Variants in SIK3 observed in about 807,000 individuals in gnomAD.
The protein encoded by SIK3 is serine/threonine-protein kinase SIK3.
A neutral mutation model predicts 144.2 loss-of-function variants in SIK3; 28 were observed. The observed-to-expected ratio is 0.19, with a 90% CI of 0.14 to 0.27. SIK3 has a LOEUF of 0.27. Among genes scored for constraint, SIK3 ranks in the 10% least tolerant of loss-of-function variants. The probability of loss-of-function intolerance (pLI) is 1.00; values close to 1 mark genes in which losing one functional copy is unlikely to be tolerated. For synonymous variants in SIK3, 686 were observed against 676.3 expected (o/e 1.01, Z -0.22); for missense variants, 1,319 against 1,776.0 (o/e 0.74, Z 4.62).
intron 1 of SIK3, among the ~76,000 whole-genome samples, chr11:117,029,018 C>T (rs534312211): frequency 6.6e-6 from 1 of 152,128 alleles, no homozygotes; most frequent in African/African-American, 2.4e-5. Flanking sequence ...AAGTGATTTT[C>T]CCGCCTCAGC....
At chr11:117,076,898 A>AT (rs1308755450) in intron 1 of SIK3, among the ~76,000 whole-genome samples, 1 of 152,184 alleles carries the variant, frequency 6.6e-6, no homozygotes, top group Non-Finnish European at 1.5e-5. Flanking sequence ...GCTCATGCCT[A>AT]TAATTCCAGT....
intron 6 of SIK3, among the ~76,000 whole-genome samples, chr11:116,880,155 A>C (rs1017473770): frequency 2.0e-5 from 3 of 152,290 alleles, no homozygotes; most frequent in South Asian, 2.1e-4. Context: ...AACAATAACA[A>C]CAACACCACC....
At chr11:116,943,494 G>C (rs1948423024) in intron 3 of SIK3, among the ~76,000 whole-genome samples, 1 of 152,110 alleles carries the variant, frequency 6.6e-6, no homozygotes, top group African/African-American at 2.4e-5. Context: ...ACCTCTTCAA[G>C]GTCTCCACTA....
intron 4 of SIK3, among the ~76,000 whole-genome samples, chr11:116,913,923 C>CA (rs971533450): frequency 3.3e-5 from 5 of 151,596 alleles, no homozygotes; most frequent in Non-Finnish European, 4.4e-5. Context: ...AAACCACAAA[C>CA]AAAAAAACAA....
chr11:117,010,756 GA>G (rs1262725605), intron 1 of SIK3, among the ~76,000 whole-genome samples: 2 of 151,898 alleles, frequency 1.3e-5, no homozygotes, highest in South Asian at 2.1e-4. Context: ...ATTTTTTAAA[GA>G]AAAAAATATA....
chr11:117,032,256 G>A (rs1952294196), intron 1 of SIK3, among the ~76,000 whole-genome samples: 3 of 152,130 alleles, frequency 2.0e-5, no homozygotes, highest in Non-Finnish European at 1.5e-5. Flanking sequence ...TTAATTTGAG[G>A]AGAACTGACA....
At chr11:116,873,779 T>C (rs1030743773) in intron 12 of SIK3, 124 bp downstream of exon 12, 1 of 1,475,320 alleles carries the variant, frequency 6.8e-7, no homozygotes, top group African/African-American at 1.4e-5. Context: ...CCGAGCTACT[T>C]TGCAAGATAA....
At chr11:116,974,068 T>C (rs1949861110) in intron 1 of SIK3, among the ~76,000 whole-genome samples, 2 of 152,224 alleles carry the variant, frequency 1.3e-5, no homozygotes, top group South Asian at 4.1e-4. Context: ...TGTATCATAT[T>C]ACTGTAAGAT....
At chr11:117,058,992 G>A (rs1202243646) in intron 1 of SIK3, among the ~76,000 whole-genome samples, 1 of 152,216 alleles carries the variant, frequency 6.6e-6, no homozygotes, top group Admixed American at 6.5e-5. Context: ...ATAAAGTGAT[G>A]CCAGGAAGAA....
intron 1 of SIK3, among the ~76,000 whole-genome samples, chr11:117,040,191 C>T (rs1042905653): frequency 3.3e-5 from 5 of 152,162 alleles, no homozygotes; most frequent in African/African-American, 1.2e-4. Flanking sequence ...CACTGAGCAC[C>T]TATCATAGCA....
At chr11:116,883,204 G>C (rs1267554978) in intron 6 of SIK3, among the ~76,000 whole-genome samples, 2 of 152,180 alleles carry the variant, frequency 1.3e-5, no homozygotes, top group South Asian at 2.1e-4. Context: ...CTGTATTTTA[G>C]ATGTTCTGGA....
intron 1 of SIK3, among the ~76,000 whole-genome samples, chr11:117,022,263 G>T (rs1951811889): frequency 6.6e-6 from 1 of 150,788 alleles, no homozygotes; most frequent in Non-Finnish European, 1.5e-5. Context: ...TAAGGTGGTG[G>T]TTATAATAAT....
chr11:117,085,077 T>C (rs1300932293), intron 1 of SIK3, among the ~76,000 whole-genome samples: 1 of 152,160 alleles, frequency 6.6e-6, no homozygotes, highest in Non-Finnish European at 1.5e-5. Flanking sequence ...TATTAACCTA[T>C]GTGCTAATCA....
chr11:117,008,521 G>T (rs1403823971), intron 1 of SIK3, among the ~76,000 whole-genome samples: 1 of 152,118 alleles, frequency 6.6e-6, no homozygotes, highest in Non-Finnish European at 1.5e-5. Flanking sequence ...ATTCTGCATG[G>T]AGAAAAGTCA....
At chr11:117,043,675 C>CCCTA (rs1952839936) in intron 1 of SIK3, among the ~76,000 whole-genome samples, 1 of 152,194 alleles carries the variant, frequency 6.6e-6, no homozygotes, top group Non-Finnish European at 1.5e-5. Context: ...TTCAACTGAA[C>CCCTA]TGTTCAGCCA....
At chr11:116,912,643 G>A (rs1402891398) in intron 4 of SIK3, among the ~76,000 whole-genome samples, 3 of 152,094 alleles carry the variant, frequency 2.0e-5, no homozygotes, top group Non-Finnish European at 4.4e-5. Context: ...TTGGAAGCAG[G>A]GAGCAGAGGG....
chr11:116,966,559 C>T (rs1470168720), intron 1 of SIK3, among the ~76,000 whole-genome samples: 1 of 152,068 alleles, frequency 6.6e-6, no homozygotes, highest in African/African-American at 2.4e-5. Context: ...AGTGCTTATG[C>T]ATAGAATTTT....
intron 1 of SIK3, among the ~76,000 whole-genome samples, chr11:117,056,640 G>A (rs1347214788): frequency 6.6e-6 from 1 of 152,018 alleles, no homozygotes; most frequent in African/African-American, 2.4e-5. Flanking sequence ...TCAGGACAGT[G>A]CAGGTGAACA....
Position 116,861,884 on chromosome 11 carries a change from CA to C in SIK3, c.2271del (p.Ala758HisfsTer16). The C allele has an allele frequency of 6.2e-7, 1 of 1,612,140 alleles. No individual in the cohort carries two copies. The highest frequency in any genetic ancestry group is 1.1e-5 in the South Asian group (1 of 90,444). On this transcript the variant is annotated frameshift_variant, in exon 18 of 25. Transcript: ENST00000445177. LOFTEE classifies it high-confidence loss of function. ...CPPQPSPPLQ[A>X]ACENQPALLT... ...AGGAGGGCTGGCTGATTTTCACATG[CA>C]GCCTGAAGAGGTGGAGATGGCTGAG... is the stretch of plus-strand genomic sequence containing the variant.
Sources: allele counts gnomAD v4.1 joint callset (sites outside exome capture counted in the v4.1 genomes callset), GRCh38; gene constraint gnomAD v4.1.1; transcripts MANE v1.5; gene names NCBI Gene and HGNC (gene_info 2026-07-23, HGNC 2026-07-21).